CASD1: variants seen among roughly 807,000 people sequenced by gnomAD.
CASD1 encodes the protein CAS1 domain sialic acid O acetyltransferase 1, also known as N-acetylneuraminate (7)9-O-acetyltransferase.
CASD1 carries 41 observed loss-of-function variants against 100.0 expected under a neutral mutation model. The observed-to-expected ratio is 0.41, with a 90% confidence interval of 0.32 to 0.53. The LOEUF is 0.53. Ranked by LOEUF, CASD1 falls within the 20% of genes least tolerant of loss-of-function variation. The pLI is 0.25. For missense variants in CASD1, 774 were observed against 948.7 expected, an observed-to-expected ratio of 0.82 and a Z score of 2.42; for synonymous variants, 321 against 315.6, an observed-to-expected ratio of 1.02 and a Z score of -0.18.
rs375425016 is a variant in CASD1, at chr7:94,535,354, C to G, written c.674C>G (p.Thr225Ser). The G allele has an allele frequency of 6.2e-7, 1 of 1,613,324 alleles. No homozygotes were observed. Among genetic ancestry groups the G allele is most frequent in the African/African-American group, 1.3e-5 (1 of 74,888 alleles). The change falls in exon 8 of 18, where the codon ACT becomes AGT. Residue 225 changes from threonine (T) to serine (S), a missense_variant. Thr to Ser is a moderately conservative substitution (Grantham distance 58). Around this residue, in one of 5 missense-constraint regions of CASD1, gnomAD observed 453 missense variants for 532.6 expected, o/e 0.85. Coordinates refer to ENST00000297273, the MANE Select transcript of CASD1 (RefSeq NM_022900.5). ...TTAAGTGAAAATAGGAAGATGATCACTAATGAGAAGATAGATGCTTACAAT... is the reference window on the plus strand; with the variant it reads ...TTAAGTGAAAATAGGAAGATGATCAGTAATGAGAAGATAGATGCTTACAAT... ...DLLSENRKMI[T>S]NEKIDAYNEA...
At chr7:94,575,412 T>C in the CASD1 span, among the ~76,000 whole-genome samples, 47 of 152,070 alleles carry the variant, frequency 3.1e-4, no homozygotes, top group Non-Finnish European at 4.9e-4. Context: ...TCCCAGAGAG[T>C]GTTTGGTATG....
intron 5 of CASD1, among the ~76,000 whole-genome samples, chr7:94,528,451 C>T (rs1474250557): frequency 1.3e-5 from 2 of 151,970 alleles, no homozygotes; most frequent in Non-Finnish European, 2.9e-5. Flanking sequence ...GCTCCATTAT[C>T]ACCATTCTAA....
intron 3 of CASD1, among the ~76,000 whole-genome samples, chr7:94,526,627 A>C (rs1379586034): frequency 6.6e-6 from 1 of 152,098 alleles, no homozygotes; most frequent in African/African-American, 2.4e-5. Context: ...GTCGCTACAA[A>C]AAATTTTTTT....
At chr7:94,512,585 G>A (rs984986202) in intron 1 of CASD1, among the ~76,000 whole-genome samples, 1 of 152,170 alleles carries the variant, frequency 6.6e-6, no homozygotes, top group African/African-American at 2.4e-5. Context: ...CTAACGTTGA[G>A]CACTTATATG....
chr7:94,628,023 T>C, the CASD1 span: 3,587 of 556,172 alleles, frequency 6.4e-3, 13 homozygotes, highest in Middle Eastern at 9.5e-3. Flanking sequence ...AAAAACTTTA[T>C]AAACAGAGAA....
intron 5 of CASD1, among the ~76,000 whole-genome samples, chr7:94,532,626 G>C (rs756989123): frequency 2.6e-5 from 4 of 152,120 alleles, no homozygotes; most frequent in Non-Finnish European, 5.9e-5. Flanking sequence ...AACTGAAACA[G>C]TGGAAACTGA....
At chr7:94,610,323 C>T in the CASD1 span, among the ~76,000 whole-genome samples, 8 of 152,000 alleles carry the variant, frequency 5.3e-5, no homozygotes, top group Non-Finnish European at 1.2e-4. Flanking sequence ...GAATATAAAC[C>T]GCCAAGAGTA....
intron 10 of CASD1, among the ~76,000 whole-genome samples, chr7:94,543,393 C>A (rs1280679334): frequency 1.3e-5 from 2 of 152,188 alleles, no homozygotes; most frequent in East Asian, 3.9e-4. Flanking sequence ...GTGGCTCATG[C>A]CTGTAATCTC....
chr7:94,603,015 G>A, the CASD1 span, among the ~76,000 whole-genome samples: 2 of 152,138 alleles, frequency 1.3e-5, no homozygotes, highest in Non-Finnish European at 2.9e-5. Flanking sequence ...CTCATTAGCA[G>A]CTATATGGAT....
At chr7:94,580,619 A>G in the CASD1 span, among the ~76,000 whole-genome samples, 3 of 152,172 alleles carry the variant, frequency 2.0e-5, no homozygotes, top group African/African-American at 7.2e-5. Flanking sequence ...GTTCAGTTAG[A>G]TTTGTTTTTC....
At chr7:94,565,219 C>T in the CASD1 span, among the ~76,000 whole-genome samples, 1 of 152,038 alleles carries the variant, frequency 6.6e-6, no homozygotes, top group Non-Finnish European at 1.5e-5. Context: ...TGGGGCCTAT[C>T]AACCCATTGT....
In CASD1 at chr7:94,532,193, C is replaced by T. The variant is rs143793376; in HGVS notation, c.460-1012C>T. Among the ~76,000 whole-genome samples the T allele has an allele frequency of 1.2e-3, 185 of 151,980 alleles. 1 individual carries two copies. Among genetic ancestry groups the T allele is most frequent in the African/African-American group, 4.4e-3 (183 of 41,438 alleles). ...CCTGAAACCATAGATGGTACCAAAC[C>T]CTATGTGTACAATGTTTTTTCCTAT... On this transcript the variant is annotated intron_variant, in intron 5 of 17. Transcript: ENST00000297273.
intron 3 of CASD1, among the ~76,000 whole-genome samples, chr7:94,521,782 A>G (rs1355306311): frequency 6.6e-6 from 1 of 152,158 alleles, no homozygotes; most frequent in East Asian, 1.9e-4. Context: ...GCAGGGATAG[A>G]AATTAAAAAG....
At chr7:94,586,610 C>T in the CASD1 span, 3 of 153,300 alleles carry the variant, frequency 2.0e-5, no homozygotes, top group Non-Finnish European at 4.3e-5. Flanking sequence ...AGTGATTTTT[C>T]TGCCTCAGCC....
chr7:94,577,217 A>T, the CASD1 span, among the ~76,000 whole-genome samples: 4 of 151,908 alleles, frequency 2.6e-5, no homozygotes, highest in Non-Finnish European at 4.4e-5. Context: ...TTGCACCTTT[A>T]TATGTGGTTT....
the CASD1 span, among the ~76,000 whole-genome samples, chr7:94,596,243 A>G: frequency 0.015 from 2,289 of 152,246 alleles, 172 homozygotes; most frequent in East Asian, 0.22. Context: ...TTGCTTGTAT[A>G]TTAGTAGCAA....
Position 94,535,324 on chromosome 7 carries a change from A to C in CASD1, c.644A>C (p.Asp215Ala), listed in dbSNP as rs771030601. 4 of 1,611,902 alleles carry C rather than the reference A, an allele frequency of 2.5e-6. No individual in the cohort carries two copies. In the East Asian group the frequency reaches 8.9e-5, roughly 36 times the overall value. The change falls in exon 8 of 18, where the codon GAT (aspartate) becomes GCT (alanine). Residue 215 changes from aspartate (D) to alanine (A), a missense_variant. Around this residue, in one of 5 missense-constraint regions of CASD1, gnomAD observed 453 missense variants for 532.6 expected, o/e 0.85. Coordinates refer to ENST00000297273, the MANE Select transcript of CASD1 (RefSeq NM_022900.5). Reference sequence around the variant, plus strand: ...TCACGTGCAGATCCTGTTTATGAAGATCTATTAAGTGAAAATAGGAAGATG... The same window carrying C: ...TCACGTGCAGATCCTGTTTATGAAGCTCTATTAAGTGAAAATAGGAAGATG... ...YWVLQDPVYE[D>A]LLSENRKMIT...
chr7:94,632,532 C>CT, the CASD1 span, among the ~76,000 whole-genome samples: 1 of 152,080 alleles, frequency 6.6e-6, no homozygotes, highest in Non-Finnish European at 1.5e-5. Flanking sequence ...GGCTGCTTCA[C>CT]TTTAAGTATA....
the CASD1 span, among the ~76,000 whole-genome samples, chr7:94,563,903 A>C: frequency 6.6e-6 from 1 of 152,192 alleles, no homozygotes; most frequent in Non-Finnish European, 1.5e-5. Context: ...AGTGTACTTA[A>C]GTGGCAAGAC....
Sources: gnomAD v4.1 joint callset for allele counts (sites outside exome capture counted in the v4.1 genomes callset) on GRCh38, gnomAD v4.1.1 for gene constraint, gnomAD v4.1.1 regional missense constraint, MANE v1.5 for transcripts, NCBI Gene and HGNC (gene_info 2026-07-23, HGNC 2026-07-21) for gene names.